ANO1: variants seen among roughly 807,000 people sequenced by gnomAD.
ANO1 encodes anoctamin-1.
Under a neutral mutation model 124.0 loss-of-function variants are expected in ANO1, and 59 were observed. That is an observed-to-expected ratio of 0.48 (90% confidence interval 0.39 to 0.59). The LOEUF (loss-of-function observed/expected upper bound fraction) is 0.59. ANO1 is among the 20% of genes least tolerant of loss of function. The pLI, the probability that ANO1 is intolerant of heterozygous loss-of-function variation, is 0.00. For synonymous variants in ANO1, 529 were observed against 532.0 expected (o/e 0.99, Z 0.08); for missense variants, 1,059 against 1,328.0 (o/e 0.80, Z 3.15).
intron 8 of ANO1, among the ~76,000 whole-genome samples, chr11:70,120,824 G>A (rs553896405): frequency 1.4e-4 from 21 of 152,240 alleles, no homozygotes; most frequent in South Asian, 6.2e-4. Context: ...TCCAGGGTCC[G>A]GATGCTGGAA....
upstream of ANO1, among the ~76,000 whole-genome samples, chr11:69,983,671 C>T (rs4347416): frequency 8.7e-3 from 1,332 of 152,314 alleles, 21 homozygotes; most frequent in East Asian, 0.064. Context: ...ATGCCACTTA[C>T]CAAAATAGCA....
At chr11:69,972,186 CAAAAAAAAAAAAA>C in the ANO1 span, among the ~76,000 whole-genome samples, 1 of 86,564 alleles carries the variant, frequency 1.2e-5, no homozygotes, top group African/African-American at 4.3e-5. Flanking sequence ...GACTCCGTCT[CAAAAAAAAAAAAA>C]AAAAAAAAAA....
At chr11:70,152,831 G>A (rs981184263) in intron 13 of ANO1, among the ~76,000 whole-genome samples, 3 of 152,242 alleles carry the variant, frequency 2.0e-5, no homozygotes, top group African/African-American at 7.2e-5. Context: ...GCCAGATTCG[G>A]TGGCCCTCCC....
rs1206318534 is a variant in ANO1 at position 70,185,672 on chromosome 11, CTGGCGTT to C, written c.2674_2680del (p.Ala892SerfsTer11). On this transcript the variant is annotated frameshift_variant, in exon 25 of 26. Transcript: ENST00000355303. LOFTEE classifies it high-confidence loss of function. The stretch of plus-strand genomic sequence containing the variant: ...CTTCTGGGCCGTCCTGGCAGCCCGG[CTGGCGTT>C]TGTCATCGTCTTCCAGGTGCGGTGG... The C allele has an allele frequency of 6.2e-7, 1 of 1,613,946 alleles. No homozygotes were observed.
intron 1 of ANO1, chr11:70,015,824 G>A (rs1856692999): frequency 2.6e-5 from 4 of 152,284 alleles, no homozygotes; most frequent in Admixed American, 2.6e-4. Flanking sequence ...AAGGGCCTGG[G>A]AGAGGGTGCT....
intron 1 of ANO1, among the ~76,000 whole-genome samples, chr11:70,045,190 C>T (rs907075044): frequency 8.5e-5 from 13 of 152,200 alleles, no homozygotes; most frequent in Non-Finnish European, 1.8e-4. Flanking sequence ...GCTAAACAGG[C>T]ATTCCTTGTG....
intron 1 of ANO1, chr11:70,085,593 G>A: frequency 6.5e-7 from 1 of 1,535,736 alleles, no homozygotes; most frequent in South Asian, 1.2e-5. Context: ...AGAGGCCAAG[G>A]TGCCAGGGAC....
chr11:70,113,144 C>T (rs886607224), intron 7 of ANO1, among the ~76,000 whole-genome samples: 13 of 151,374 alleles, frequency 8.6e-5, no homozygotes, highest in South Asian at 4.2e-4. Context: ...CCCAGGCGGA[C>T]AGAAGCACCC....
intron 11 of ANO1, among the ~76,000 whole-genome samples, chr11:70,136,789 G>A (rs981886183): frequency 1.4e-5 from 2 of 148,016 alleles, no homozygotes; most frequent in Admixed American, 7.1e-5. Flanking sequence ...GGACAGACAC[G>A]CACAGAAATC....
intron 1 of ANO1, among the ~76,000 whole-genome samples, chr11:70,036,540 G>A (rs1365810372): frequency 6.6e-6 from 1 of 152,174 alleles, no homozygotes; most frequent in Non-Finnish European, 1.5e-5. Flanking sequence ...AAAAAGGGCT[G>A]AGGACCCTCT....
At chr11:69,986,563 C>A (rs574781021) in intron 1 of ANO1, among the ~76,000 whole-genome samples, 203 of 152,212 alleles carry the variant, frequency 1.3e-3, no homozygotes, top group Non-Finnish European at 2.5e-3. Context: ...TTTTTACAGG[C>A]GCTATTAATA....
At chr11:70,075,396 G>A (rs1418173711), upstream of ANO1, 1 of 151,918 alleles carries the variant, frequency 6.6e-6, no homozygotes, top group Non-Finnish European at 1.5e-5. Context: ...ACTAAAATTG[G>A]AATGATACAG....
chr11:70,141,515 T>G (rs1181999201), intron 11 of ANO1: 1 of 152,118 alleles, frequency 6.6e-6, no homozygotes, highest in Non-Finnish European at 1.5e-5. Context: ...ACGCTCCCAT[T>G]TTGAGCGGGG....
chr11:69,979,751 G>C, the ANO1 span, among the ~76,000 whole-genome samples: 1 of 152,156 alleles, frequency 6.6e-6, no homozygotes, highest in Non-Finnish European at 1.5e-5. Flanking sequence ...GGGGCAAAGG[G>C]AGCCAACGTG....
At position 70,105,794 on chromosome 11, in the gene ANO1, T is replaced by C; in HGVS notation, c.747+6T>C. ...GCAAAACCCGGAGCACGATTGTAAG[T>C]ATCGCACGCGCCTGGAAACGGCTCA... is the stretch of plus-strand genomic sequence containing the variant. On this transcript the variant is annotated splice_donor_region_variant and intron_variant, in intron 5 of 25. Transcript: ENST00000355303. 1.2e-6 allele frequency: 2 copies of C among 1,613,096 alleles called. No homozygotes were observed. Among genetic ancestry groups the C allele is most frequent in the Middle Eastern group, 1.7e-4 (1 of 5,974 alleles).
chr11:70,139,641 A>C (rs2047077649), intron 11 of ANO1, among the ~76,000 whole-genome samples: 1 of 152,108 alleles, frequency 6.6e-6, no homozygotes, highest in African/African-American at 2.4e-5. Context: ...AATATTCTTT[A>C]CCCAGTTAAC....
At chr11:70,097,620 G>C (rs1010238613) in intron 2 of ANO1, among the ~76,000 whole-genome samples, 1 of 152,180 alleles carries the variant, frequency 6.6e-6, no homozygotes, top group African/African-American at 2.4e-5. Context: ...ATGGGCCTGG[G>C]ACAAGGGGCT....
chr11:70,096,210 G>A (rs540766591), intron 2 of ANO1, among the ~76,000 whole-genome samples: 18 of 152,300 alleles, frequency 1.2e-4, no homozygotes, highest in South Asian at 8.3e-4. Flanking sequence ...GGTTTGCAGC[G>A]TTATAGATGA....
intron 1 of ANO1, among the ~76,000 whole-genome samples, chr11:70,007,915 G>A (rs566394720): frequency 6.6e-6 from 1 of 152,256 alleles, no homozygotes; most frequent in East Asian, 1.9e-4. Context: ...GTTATTTTAT[G>A]CTTCGGGTTA....
Sources: gnomAD v4.1 joint callset for allele counts (sites outside exome capture counted in the v4.1 genomes callset) on GRCh38, gnomAD v4.1.1 for gene constraint, MANE v1.5 for transcripts, NCBI Gene and HGNC (gene_info 2026-07-23, HGNC 2026-07-21) for gene names.